Variants in XIRP2 observed in about 807,000 individuals in gnomAD.
XIRP2 encodes xin actin-binding repeat-containing protein 2.
A neutral mutation model predicts 277.0 loss-of-function variants in XIRP2; 236 were observed. That is an observed-to-expected ratio of 0.85 (90% CI 0.77 to 0.95). XIRP2 has a LOEUF of 0.95. Among genes scored for constraint, XIRP2 ranks in the 40% least tolerant of loss-of-function variants. The pLI is 0.00. For missense variants in XIRP2, 4,640 were observed against 4,157.5 expected (o/e 1.12, Z -3.19); for synonymous variants, 1,490 against 1,416.5 (o/e 1.05, Z -1.17).
At chr2:167,257,350 G>C (rs777009982) in intron 10 of XIRP2, among the ~76,000 whole-genome samples, 3 of 151,718 alleles carry the variant, frequency 2.0e-5, no homozygotes, top group Non-Finnish European at 4.4e-5. Flanking sequence ...TAGATATTTC[G>C]AAAACTATGC....
chr2:167,212,976 C>T (rs1224657584), intron 4 of XIRP2, among the ~76,000 whole-genome samples: 1 of 140,816 alleles, frequency 7.1e-6, no homozygotes, highest in Non-Finnish European at 1.5e-5. Flanking sequence ...TCTGTATCTC[C>T]ACAATTAACC....
At chr2:166,916,320 A>G (rs1558915188) in intron 2 of XIRP2, among the ~76,000 whole-genome samples, 2 of 152,204 alleles carry the variant, frequency 1.3e-5, no homozygotes, top group Admixed American at 6.5e-5. Flanking sequence ...CAGAGCAGCA[A>G]GCAGTACTTC....
In XIRP2 at chr2:167,147,056, A is replaced by T. The variant is rs78955651; in HGVS notation, c.562+10994A>T. Reference sequence around the variant, plus strand: ...TGAGGACAAAATACACACATGTTAAAACAAACCAAAACAAAGAGGTTTCTA... The same window carrying T: ...TGAGGACAAAATACACACATGTTAATACAAACCAAAACAAAGAGGTTTCTA... On this transcript the variant is annotated intron_variant, in intron 3 of 10. Coordinates refer to ENST00000409195, the MANE Select transcript of XIRP2 (RefSeq NM_152381.6). Among the ~76,000 whole-genome samples, 1,216 of 152,266 alleles carry T rather than the reference A, an allele frequency of 8.0e-3. 38 individuals are homozygous for T. In the East Asian group the frequency reaches 0.091, roughly 11 times the overall value.
chr2:166,916,695 T>C (rs916113712), intron 2 of XIRP2, among the ~76,000 whole-genome samples: 71 of 152,288 alleles, frequency 4.7e-4, no homozygotes, highest in African/African-American at 1.7e-3. Context: ...AAAGTGATCA[T>C]TTTTGGTTAG....
At chr2:166,939,107 G>T (rs965058900) in intron 2 of XIRP2, among the ~76,000 whole-genome samples, 5 of 152,122 alleles carry the variant, frequency 3.3e-5, no homozygotes, top group African/African-American at 1.2e-4. Flanking sequence ...GGTTAATATA[G>T]TTATGTGTGA....
At chr2:166,955,156 CAAATT>C (rs1338588178) in intron 2 of XIRP2, among the ~76,000 whole-genome samples, 5 of 151,530 alleles carry the variant, frequency 3.3e-5, no homozygotes, top group African/African-American at 9.7e-5. Flanking sequence ...AAATGGGAAA[CAAATT>C]AAATGTCTAT....
At chr2:166,979,682 G>A (rs112043024) in intron 2 of XIRP2, among the ~76,000 whole-genome samples, 1 of 152,076 alleles carries the variant, frequency 6.6e-6, no homozygotes, top group Non-Finnish European at 1.5e-5. Context: ...CTGATGAATT[G>A]TATTGACAGC....
intron 2 of XIRP2, among the ~76,000 whole-genome samples, chr2:167,022,042 T>C (rs1687997713): frequency 6.6e-6 from 1 of 152,122 alleles, no homozygotes; most frequent in South Asian, 2.1e-4. Flanking sequence ...TAATTTCATG[T>C]AATATATTAA....
Position 167,258,077 on chromosome 2 carries a change from A to G in XIRP2, c.*260A>G. The stretch of plus-strand genomic sequence containing the variant: ...AAACACCCTTGTACCTGGAGATCGT[A>G]ATGAACATTTAGATGCTGGTAACAG... On this transcript the variant is annotated 3_prime_UTR_variant, in exon 11 of 11. Transcript: ENST00000409195. The G allele has an allele frequency of 1.2e-6, 2 of 1,613,126 alleles. No individual in the cohort carries two copies. The highest frequency in any genetic ancestry group is 1.7e-6 in the Non-Finnish European group (2 of 1,179,532).
At position 166,903,986 on chromosome 2, in the gene XIRP2, A is replaced by G. The variant is rs139192616; in HGVS notation, c.408+96A>G. ...GCATGTAATCTTTCCCCCCGCCAGT[A>G]TTCTAGACAGATGTCCTGAAGCCGA... On this transcript the variant is annotated intron_variant, in intron 2 of 10. Coordinates refer to ENST00000409195, the MANE Select transcript of XIRP2 (RefSeq NM_152381.6). 30 of 1,405,034 alleles carry G rather than the reference A, an allele frequency of 2.1e-5. No homozygotes were observed. The East Asian group carries it at 6.5e-4, about 30-fold the overall frequency. 87.0% of individuals were successfully genotyped at this position (1,405,034 alleles called of 1,614,324 possible).
intron 2 of XIRP2, among the ~76,000 whole-genome samples, chr2:166,928,461 G>A (rs1344401763): frequency 6.6e-6 from 1 of 152,062 alleles, no homozygotes; most frequent in Admixed American, 6.6e-5. Flanking sequence ...CAGCTTCCAA[G>A]TTTGCATTAA....
In XIRP2 at chr2:167,215,401, G is replaced by T. The variant is rs544546246; in HGVS notation, c.724-2765G>T. ...TGATAGTCCACATAAATGAGGAAAC[G>T]TTATTAACTTAGTAAAGCAACAACT... On this transcript the variant is annotated intron_variant, in intron 4 of 10. Transcript: ENST00000409195. Among the ~76,000 whole-genome samples, 4 of 152,138 alleles carry T rather than the reference G, an allele frequency of 2.6e-5. No individual in the cohort carries two copies. In the South Asian group the frequency reaches 8.3e-4, roughly 32 times the overall value.
intron 2 of XIRP2, among the ~76,000 whole-genome samples, chr2:167,054,106 G>C (rs1304032451): frequency 1.3e-5 from 2 of 152,094 alleles, no homozygotes; most frequent in African/African-American, 4.8e-5. Flanking sequence ...CTTAATATTT[G>C]ATTAGATAGC....
At chr2:166,979,489 C>T (rs754919109) in intron 2 of XIRP2, among the ~76,000 whole-genome samples, 4 of 150,666 alleles carry the variant, frequency 2.7e-5, no homozygotes, top group Non-Finnish European at 5.9e-5. Context: ...AATATATCAC[C>T]ATTAAGTAAG....
At chr2:167,151,766 C>T (rs16853075) in intron 3 of XIRP2, among the ~76,000 whole-genome samples, 3 of 151,534 alleles carry the variant, frequency 2.0e-5, no homozygotes, top group African/African-American at 7.3e-5. Flanking sequence ...AGAATGCAGA[C>T]AATAAGTAGG....
chr2:167,003,434 T>G (rs1687423704), intron 2 of XIRP2, among the ~76,000 whole-genome samples: 1 of 151,822 alleles, frequency 6.6e-6, no homozygotes, highest in Admixed American at 6.6e-5. Context: ...AGAGAAGATA[T>G]TTGAGCTGAT....
intron 2 of XIRP2, among the ~76,000 whole-genome samples, chr2:166,938,667 G>T (rs374922636): frequency 2.6e-5 from 4 of 152,064 alleles, no homozygotes; most frequent in Non-Finnish European, 4.4e-5. Context: ...TTTCTGTCTC[G>T]TTGATCTGTC....
At chr2:166,930,033 C>G (rs937613357) in intron 2 of XIRP2, among the ~76,000 whole-genome samples, 2 of 152,104 alleles carry the variant, frequency 1.3e-5, no homozygotes, top group African/African-American at 4.8e-5. Context: ...AATCACTGAC[C>G]TGGGTTGTCT....
intron 2 of XIRP2, among the ~76,000 whole-genome samples, chr2:166,943,975 T>C (rs1685788938): frequency 6.6e-6 from 1 of 152,232 alleles, no homozygotes; most frequent in Non-Finnish European, 1.5e-5. Flanking sequence ...TCTTGATGTG[T>C]ATAATTGAGC....
Sources: gnomAD v4.1 joint callset for allele counts (sites outside exome capture counted in the v4.1 genomes callset) on GRCh38, gnomAD v4.1.1 for gene constraint, MANE v1.5 for transcripts, NCBI Gene and HGNC (gene_info 2026-07-23, HGNC 2026-07-21) for gene names.